Variants in MCC observed in about 807,000 individuals in gnomAD.
MCC encodes the protein MCC regulator of Wnt signaling pathway.
In MCC, 90 loss-of-function variants were observed where a neutral mutation model predicts 116.2. The ratio of observed to expected loss-of-function variants is 0.77; its 90% confidence interval spans 0.65 to 0.92. The LOEUF (loss-of-function observed/expected upper bound fraction) is 0.92, where lower values mean the gene tolerates loss of function less well. Ranked by LOEUF, MCC falls within the 40% of genes least tolerant of loss-of-function variation. The probability of loss-of-function intolerance (pLI) is 0.00; values close to 1 mark genes in which losing one functional copy is unlikely to be tolerated. For missense variants in MCC, 1,516 were observed against 1,312.2 expected, an observed-to-expected ratio of 1.16 and a Z score of -2.40; for synonymous variants, 578 against 510.5, an observed-to-expected ratio of 1.13 and a Z score of -1.78.
At chr5:113,042,974 G>A (rs1159723708) in intron 17 of MCC, among the ~76,000 whole-genome samples, 1 of 152,142 alleles carries the variant, frequency 6.6e-6, no homozygotes, top group Admixed American at 6.5e-5. Context: ...GTAGCACCCG[G>A]GGAAAAAGCA....
chr5:113,139,898 C>G (rs1198948949), intron 5 of MCC, among the ~76,000 whole-genome samples: 1 of 152,034 alleles, frequency 6.6e-6, no homozygotes, highest in East Asian at 1.9e-4. Context: ...CCAAAAGCAA[C>G]AGCAAAAAAG....
intron 1 of MCC, among the ~76,000 whole-genome samples, chr5:113,405,284 C>G (rs542215785): frequency 1.3e-5 from 2 of 152,324 alleles, no homozygotes; most frequent in East Asian, 1.9e-4. Flanking sequence ...TTGGCCTTGA[C>G]AGTAGTTCCC....
chr5:113,444,608 C>T (rs368353318), intron 1 of MCC, among the ~76,000 whole-genome samples: 2 of 151,888 alleles, frequency 1.3e-5, no homozygotes, highest in South Asian at 2.1e-4. Flanking sequence ...GGTATTTGGC[C>T]TTCAGATCAA....
intron 3 of MCC, among the ~76,000 whole-genome samples, chr5:113,337,106 ACT>A (rs1018579867): frequency 2.6e-4 from 40 of 151,490 alleles, no homozygotes; most frequent in African/African-American, 8.5e-4. Context: ...ACTCAGCTTG[ACT>A]CTCGTGGCTT....
At chr5:113,096,634 G>A (rs1294001132) in intron 8 of MCC, among the ~76,000 whole-genome samples, 1 of 152,174 alleles carries the variant, frequency 6.6e-6, no homozygotes, top group South Asian at 2.1e-4. Flanking sequence ...CAGGCAGGGC[G>A]CAGAAGCATT....
chr5:113,127,516 AT>A (rs1242096404), intron 5 of MCC, among the ~76,000 whole-genome samples: 1 of 152,162 alleles, frequency 6.6e-6, no homozygotes, highest in Non-Finnish European at 1.5e-5. Context: ...AGCATCTGTT[AT>A]TTTTTGACTT....
intron 3 of MCC, among the ~76,000 whole-genome samples, chr5:113,251,969 A>C (rs1056670862): frequency 1.3e-5 from 2 of 152,236 alleles, no homozygotes; most frequent in Admixed American, 6.5e-5. Context: ...TAAAAGAGAC[A>C]ATCAAAGTAT....
intron 3 of MCC, among the ~76,000 whole-genome samples, chr5:113,170,789 C>T (rs1319376816): frequency 1.3e-5 from 2 of 152,052 alleles, no homozygotes; most frequent in African/African-American, 4.8e-5. Context: ...AAGCAAGCAA[C>T]TCATATGTTT....
In MCC at chr5:113,145,870, A is replaced by G. The variant is rs1420374645; in HGVS notation, c.742-2510T>C. On this transcript the variant is annotated intron_variant, in intron 4 of 18. Coordinates refer to ENST00000408903, the MANE Select transcript of MCC (RefSeq NM_001085377.2). ...GGGAGAGCTTGCTCTCTGGTATTGC[A>G]CCATCCTTCCCCTGCCTCTAACTGA... Among the ~76,000 whole-genome samples, 3 of 151,918 alleles carry G rather than the reference A, an allele frequency of 2.0e-5. No individual in the cohort carries two copies. In the East Asian group the frequency reaches 5.8e-4, roughly 29 times the overall value.
At chr5:113,194,331 T>C (rs1762285995) in intron 3 of MCC, among the ~76,000 whole-genome samples, 1 of 152,128 alleles carries the variant, frequency 6.6e-6, no homozygotes, top group South Asian at 2.1e-4. Flanking sequence ...AGTCCAACAT[T>C]GCCCCATAGA....
intron 3 of MCC, among the ~76,000 whole-genome samples, chr5:113,220,961 T>C (rs1397079731): frequency 6.6e-6 from 1 of 152,164 alleles, no homozygotes; most frequent in Admixed American, 6.5e-5. Context: ...CCAGCACTTT[T>C]GGAGAGCAAG....
intron 1 of MCC, among the ~76,000 whole-genome samples, chr5:113,403,662 G>A (rs1483567372): frequency 6.6e-6 from 1 of 152,144 alleles, no homozygotes; most frequent in East Asian, 1.9e-4. Context: ...TGGACAAGAA[G>A]GAGAGAAGAG....
chr5:113,165,391 T>C (rs951449046), intron 3 of MCC, among the ~76,000 whole-genome samples: 1 of 152,240 alleles, frequency 6.6e-6, no homozygotes, highest in Non-Finnish European at 1.5e-5. Flanking sequence ...ACCAACATTG[T>C]ATCACATATT....
At chr5:113,474,033 G>C (rs1408045775) in intron 1 of MCC, among the ~76,000 whole-genome samples, 1 of 152,170 alleles carries the variant, frequency 6.6e-6, no homozygotes, top group Non-Finnish European at 1.5e-5. Context: ...TGGTCACACT[G>C]ATCTTTTAGA....
At chr5:113,248,283 G>T (rs894074596) in intron 3 of MCC, among the ~76,000 whole-genome samples, 13 of 150,952 alleles carry the variant, frequency 8.6e-5, no homozygotes, top group Non-Finnish European at 1.5e-4. Flanking sequence ...AGGCAGGAGG[G>T]AGCTTTACAA....
chr5:113,094,020 T>A (rs965497268), intron 8 of MCC, among the ~76,000 whole-genome samples: 8 of 152,230 alleles, frequency 5.3e-5, no homozygotes, highest in African/African-American at 1.4e-4. Flanking sequence ...ATGAGCTTCA[T>A]GCAGTTAGTC....
chr5:113,245,290 C>CA (rs560902639), intron 3 of MCC, among the ~76,000 whole-genome samples: 4,791 of 90,768 alleles, frequency 0.053, 403 homozygotes, highest in Admixed American at 0.27. Context: ...AACTCCATCT[C>CA]AAAAAAAAAA....
At chr5:113,379,095 G>A (rs1769049925) in intron 2 of MCC, among the ~76,000 whole-genome samples, 1 of 152,216 alleles carries the variant, frequency 6.6e-6, no homozygotes, top group African/African-American at 2.4e-5. Context: ...CTCAGACCCT[G>A]CCTCAAGTCC....
chr5:113,057,936 G>T (rs986063282), intron 14 of MCC, among the ~76,000 whole-genome samples: 11 of 152,258 alleles, frequency 7.2e-5, no homozygotes, highest in African/African-American at 2.7e-4. Context: ...GGCGCTGGCA[G>T]ACAGCAGCAC....
Sources: gnomAD v4.1 joint callset for allele counts (sites outside exome capture counted in the v4.1 genomes callset) on GRCh38, gnomAD v4.1.1 for gene constraint, MANE v1.5 for transcripts, NCBI Gene and HGNC (gene_info 2026-07-23, HGNC 2026-07-21) for gene names.